The following TSNARE1 variants were observed in gnomAD, a reference collection of about 807,000 sequenced individuals.
TSNARE1 encodes the protein t-SNARE domain containing 1.
TSNARE1 carries 49 observed loss-of-function variants against 62.0 expected under a neutral mutation model. That is an observed-to-expected ratio of 0.79 (90% CI 0.63 to 1.00). The LOEUF is 1.00. Ranked by LOEUF, TSNARE1 falls within the 50% of genes least tolerant of loss-of-function variation. The pLI, the probability that TSNARE1 is intolerant of heterozygous loss-of-function variation, is 0.00. For synonymous variants in TSNARE1, 328 were observed against 294.4 expected, an observed-to-expected ratio of 1.11 and a Z score of -1.17; for missense variants, 755 against 700.1, an observed-to-expected ratio of 1.08 and a Z score of -0.88.
At chr8:142,378,786 C>T (rs1349368036) in intron 1 of TSNARE1, among the ~76,000 whole-genome samples, 3 of 152,216 alleles carry the variant, frequency 2.0e-5, no homozygotes, top group African/African-American at 7.2e-5. Flanking sequence ...CCCAGAGGTC[C>T]TTCAAGGCGC....
chr8:142,290,339 C>T (rs1423587886), intron 10 of TSNARE1, among the ~76,000 whole-genome samples: 3 of 152,256 alleles, frequency 2.0e-5, no homozygotes, highest in East Asian at 1.9e-4. Context: ...GGCGGGAGAG[C>T]GGGGAAGACC....
At chr8:142,352,745 T>C (rs1250522788) in intron 2 of TSNARE1, among the ~76,000 whole-genome samples, 1 of 152,144 alleles carries the variant, frequency 6.6e-6, no homozygotes, top group African/African-American at 2.4e-5. Flanking sequence ...GGCTCAGGGA[T>C]ATGCACACGC....
At chr8:142,354,518 G>A (rs1586987157) in intron 2 of TSNARE1, 119 bp downstream of exon 2, 2 of 696,764 alleles carry the variant, frequency 2.9e-6, no homozygotes, top group East Asian at 2.9e-5. Flanking sequence ...TCAGGACACA[G>A]GCCACTTTCC....
intron 12 of TSNARE1, among the ~76,000 whole-genome samples, chr8:142,251,572 C>A (rs1293291112): frequency 6.6e-6 from 1 of 152,184 alleles, no homozygotes; most frequent in African/African-American, 2.4e-5. Context: ...ATTCTGAGAG[C>A]ACACATCAGG....
At chr8:142,362,339 AC>A (rs1835227109) in intron 1 of TSNARE1, among the ~76,000 whole-genome samples, 1 of 152,148 alleles carries the variant, frequency 6.6e-6, no homozygotes, top group East Asian at 1.9e-4. Flanking sequence ...CAACAGACCC[AC>A]GTTGACAGCA....
intron 12 of TSNARE1, among the ~76,000 whole-genome samples, chr8:142,238,725 A>G (rs10464985): frequency 4.5e-5 from 3 of 67,246 alleles, no homozygotes; most frequent in African/African-American, 2.4e-4. Context: ...GCCCCTGCAC[A>G]CCCGCCCCTG....
chr8:142,276,826 G>A (rs921747101), intron 11 of TSNARE1: 1 of 985,278 alleles, frequency 1.0e-6, no homozygotes, highest in Non-Finnish European at 1.2e-6. Context: ...GCGGTCCCAG[G>A]GGCATTCTTA....
chr8:142,271,112 A>G, intron 12 of TSNARE1: 1 of 986,000 alleles, frequency 1.0e-6, no homozygotes, highest in Non-Finnish European at 1.2e-6. Flanking sequence ...CACCTTCAAG[A>G]TCATCCCTGA....
intron 3 of TSNARE1, among the ~76,000 whole-genome samples, chr8:142,345,009 T>TC (rs1833164092): frequency 6.6e-6 from 1 of 152,108 alleles, no homozygotes. Flanking sequence ...CGACTTCCCC[T>TC]CCCGCACTTG....
chr8:142,285,452 G>A (rs531451685), intron 10 of TSNARE1, among the ~76,000 whole-genome samples: 1 of 148,748 alleles, frequency 6.7e-6, no homozygotes, highest in African/African-American at 2.5e-5. Flanking sequence ...GGGTGGGTGG[G>A]GTAGGTGGAT....
intron 13 of TSNARE1, among the ~76,000 whole-genome samples, chr8:142,215,868 A>G (rs577301004): frequency 6.4e-4 from 98 of 152,304 alleles, no homozygotes; most frequent in African/African-American, 2.3e-3. Context: ...GGAGGCTTGA[A>G]GGTCAATGGG....
At chr8:142,222,516 T>C (rs1390736729) in intron 13 of TSNARE1, among the ~76,000 whole-genome samples, 3 of 113,654 alleles carry the variant, frequency 2.6e-5, no homozygotes, top group African/African-American at 3.3e-5. Context: ...ACTCACTCAC[T>C]CACTCATCCA....
intron 12 of TSNARE1, among the ~76,000 whole-genome samples, chr8:142,229,884 G>C (rs1160400117): frequency 6.6e-6 from 1 of 152,192 alleles, no homozygotes; most frequent in Non-Finnish European, 1.5e-5. Flanking sequence ...TGAGCTGAGG[G>C]ATCTCGGCTG....
chr8:142,336,217 G>A (rs1167332365), intron 4 of TSNARE1, among the ~76,000 whole-genome samples: 1 of 148,962 alleles, frequency 6.7e-6, no homozygotes, highest in Non-Finnish European at 1.5e-5. Context: ...GGAGATCGAG[G>A]CTGCAGTGAG....
chr8:142,374,460 C>T (rs1238560311), intron 1 of TSNARE1, among the ~76,000 whole-genome samples: 2 of 151,248 alleles, frequency 1.3e-5, no homozygotes, highest in Non-Finnish European at 1.5e-5. Flanking sequence ...AGGCGGATCA[C>T]GAGGTCAGGA....
intron 13 of TSNARE1, among the ~76,000 whole-genome samples, chr8:142,221,732 CTCAT>C (rs755279533): frequency 0.58 from 82,929 of 141,830 alleles, 39,080 homozygotes; most frequent in Admixed American, 0.62. Context: ...CATTCACTCA[CTCAT>C]TCACTCACTC....
chr8:142,402,400 G>A (rs1256048817), intron 1 of TSNARE1, among the ~76,000 whole-genome samples: 1 of 152,232 alleles, frequency 6.6e-6, no homozygotes, highest in African/African-American at 2.4e-5. Flanking sequence ...TAAGGACAAT[G>A]TAAACAGCCA....
chr8:142,287,572 C>T (rs558916669), intron 10 of TSNARE1, among the ~76,000 whole-genome samples: 146 of 128,500 alleles, frequency 1.1e-3, no homozygotes, highest in African/African-American at 4.2e-3. Context: ...ACCCAGGACC[C>T]CGGCCAGATC....
chr8:142,339,657 C>T (rs906404599), intron 4 of TSNARE1, among the ~76,000 whole-genome samples: 4 of 152,240 alleles, frequency 2.6e-5, no homozygotes, highest in Admixed American at 2.6e-4. Flanking sequence ...GAGAGCTAGG[C>T]TTTGTGCCAG....
Sources: allele counts gnomAD v4.1 joint callset (sites outside exome capture counted in the v4.1 genomes callset), GRCh38; gene constraint gnomAD v4.1.1; transcripts MANE v1.5; gene names NCBI Gene and HGNC (gene_info 2026-07-23, HGNC 2026-07-21).